The following SLC31A1 variants were observed in gnomAD, a reference collection of about 807,000 sequenced individuals.
SLC31A1 encodes high affinity copper uptake protein 1.
A neutral mutation model predicts 17.2 loss-of-function variants in SLC31A1; 5 were observed. That is an observed-to-expected ratio of 0.29 (90% CI 0.15 to 0.61). SLC31A1 has a LOEUF of 0.61. Among genes scored for constraint, SLC31A1 ranks in the 20% least tolerant of loss-of-function variants. The pLI, the probability that SLC31A1 is intolerant of heterozygous loss-of-function variation, is 0.86. For synonymous variants in SLC31A1, 76 were observed against 78.8 expected (o/e 0.96, Z 0.19); for missense variants, 161 against 241.4 (o/e 0.67, Z 2.21).
At chr9:113,229,766 A>C (rs1424920846) in intron 1 of SLC31A1, among the ~76,000 whole-genome samples, 1 of 152,220 alleles carries the variant, frequency 6.6e-6, no homozygotes, top group Admixed American at 6.5e-5. Flanking sequence ...GAAAAGAAAA[A>C]GTATCATTTT....
chr9:113,246,517 A>G (rs1211157184), intron 1 of SLC31A1, among the ~76,000 whole-genome samples: 1 of 151,044 alleles, frequency 6.6e-6, no homozygotes, highest in Non-Finnish European at 1.5e-5. Flanking sequence ...ACGCCCGGCT[A>G]ATTTTTTGTA....
Position 113,258,812 on chromosome 9 carries a change from T to C in SLC31A1, c.321T>C (p.Pro107=). ...TCAGCATTCGCTACAATTCCATGCCTGTCCCAGGACCAAATGGAACCATCC... is the reference window on the plus strand; with the variant it reads ...TCAGCATTCGCTACAATTCCATGCCCGTCCCAGGACCAAATGGAACCATCC... The part of the protein sequence containing the change: ...SQVSIRYNSM[P]VPGPNGTILM... The change falls in exon 4 of 5, where the codon CCT becomes CCC. Residue 107 remains proline, a synonymous_variant. Coordinates refer to ENST00000374212, the MANE Select transcript of SLC31A1 (RefSeq NM_001859.4). The surrounding 1 kb of genome is among the most constrained non-coding windows in gnomAD (Gnocchi z 4.8). 6.2e-7 allele frequency: 1 copy of C among 1,614,242 alleles called. No homozygotes were observed. Among genetic ancestry groups the C allele is most frequent in the Non-Finnish European group, 8.5e-7 (1 of 1,180,034 alleles).
intron 1 of SLC31A1, among the ~76,000 whole-genome samples, chr9:113,251,917 C>G (rs1831658365): frequency 6.6e-6 from 1 of 152,130 alleles, no homozygotes; most frequent in Admixed American, 6.6e-5. Flanking sequence ...TATTCATACA[C>G]CATTCGGTAA....
intron 1 of SLC31A1, among the ~76,000 whole-genome samples, chr9:113,249,104 C>T (rs1831617106): frequency 6.8e-6 from 1 of 147,838 alleles, no homozygotes; most frequent in South Asian, 2.3e-4. Context: ...GACATACAAT[C>T]AGATCACCTT....
rs541115012 is a variant in SLC31A1 at position 113,221,591 on chromosome 9, A to T, written c.-123A>T. 1.3e-4 allele frequency: 54 copies of T among 419,730 alleles called. 1 individual carries two copies. Among genetic ancestry groups the T allele is most frequent in the South Asian group, 1.1e-3 (54 of 48,206 alleles). 26.0% of individuals were successfully genotyped at this position (419,730 alleles called of 1,614,324 possible). On this transcript the variant is annotated 5_prime_UTR_variant, in exon 1 of 5. The change creates a new upstream start codon in the 5' untranslated region. Transcript: ENST00000374212. ...TGGTGGACACGTCGAGCCGGGTAGAAGTGGAGGGGCCGTTCGAAGAGTCGT... is the reference window on the plus strand; with the variant it reads ...TGGTGGACACGTCGAGCCGGGTAGATGTGGAGGGGCCGTTCGAAGAGTCGT...
intron 1 of SLC31A1, among the ~76,000 whole-genome samples, chr9:113,238,052 T>C (rs1394079430): frequency 1.3e-5 from 2 of 152,200 alleles, no homozygotes; most frequent in Non-Finnish European, 2.9e-5. Context: ...CCCCTCTTTT[T>C]CCCCATTCAT....
At chr9:113,259,885 C>G (rs1477551550) in intron 4 of SLC31A1, among the ~76,000 whole-genome samples, 17 of 152,178 alleles carry the variant, frequency 1.1e-4, no homozygotes, top group Non-Finnish European at 2.5e-4. Context: ...CACCCCCAGC[C>G]TCTGTTTCTG....
At chr9:113,250,697 A>G (rs1238503018) in intron 1 of SLC31A1, among the ~76,000 whole-genome samples, 1 of 151,910 alleles carries the variant, frequency 6.6e-6, no homozygotes, top group Non-Finnish European at 1.5e-5. Context: ...ACTTCAAAAA[A>G]AAAAAAGGAA....
rs1831753437 is a variant in SLC31A1, at chr9:113,258,546, C to G, written c.203-148C>G. ...CAGTTACACCATCTTAGCCGTTCTC[C>G]TATCTGAGCAAGAGAAGAGGTAAAA... On this transcript the variant is annotated intron_variant, in intron 3 of 4. Coordinates refer to ENST00000374212, the MANE Select transcript of SLC31A1 (RefSeq NM_001859.4). The surrounding 1 kb of genome is among the most constrained non-coding windows in gnomAD (Gnocchi z 4.8). 1 of 803,716 alleles carries G rather than the reference C, an allele frequency of 1.2e-6. No homozygotes were observed. 49.8% of individuals were successfully genotyped at this position (803,716 alleles called of 1,614,324 possible). A position where few individuals can be genotyped will look rare whatever the true frequency, so the allele number is the denominator to read the frequency against.
chr9:113,253,694 C>T (rs1724547082), intron 1 of SLC31A1, among the ~76,000 whole-genome samples: 1 of 151,576 alleles, frequency 6.6e-6, no homozygotes, highest in Non-Finnish European at 1.5e-5. Flanking sequence ...GCTGGGATTA[C>T]AGGCGCGTGC....
chr9:113,246,351 AT>A (rs35589001), intron 1 of SLC31A1, among the ~76,000 whole-genome samples: 48,842 of 146,704 alleles, frequency 0.33, 8,027 homozygotes, highest in African/African-American at 0.36. Context: ...GGCCATTAAG[AT>A]TTTTTTTTTC....
At chr9:113,244,313 G>A (rs1424737050) in intron 1 of SLC31A1, among the ~76,000 whole-genome samples, 3 of 152,110 alleles carry the variant, frequency 2.0e-5, no homozygotes, top group African/African-American at 4.8e-5. Context: ...GTAATTATTT[G>A]AAGTAGTTTT....
intron 3 of SLC31A1, among the ~76,000 whole-genome samples, chr9:113,257,478 ATTTTTTTTTT>A (rs532189321): frequency 9.9e-6 from 1 of 101,184 alleles, no homozygotes; most frequent in Non-Finnish European, 1.9e-5. Flanking sequence ...AGAGTGTTTA[ATTTTTTTTTT>A]TTTTTTTTTT....
At chr9:113,246,675 T>G (rs1831583079) in intron 1 of SLC31A1, among the ~76,000 whole-genome samples, 1 of 148,914 alleles carries the variant, frequency 6.7e-6, no homozygotes, top group South Asian at 2.1e-4. Flanking sequence ...TTATTTTATT[T>G]TATTTATTGA....
intron 1 of SLC31A1, among the ~76,000 whole-genome samples, chr9:113,237,946 T>C (rs545720995): frequency 1.2e-4 from 19 of 152,360 alleles, no homozygotes; most frequent in African/African-American, 4.3e-4. Context: ...GTAAACAAGA[T>C]ATGAATGCAT....
intron 1 of SLC31A1, among the ~76,000 whole-genome samples, chr9:113,253,591 G>A (rs1278029605): frequency 7.9e-6 from 1 of 126,480 alleles, no homozygotes; most frequent in Non-Finnish European, 1.6e-5. Context: ...GTCTTGCTCT[G>A]CTGACCAGGC....
intron 1 of SLC31A1, among the ~76,000 whole-genome samples, chr9:113,223,658 A>C (rs1433634441): frequency 6.6e-6 from 1 of 152,138 alleles, no homozygotes; most frequent in Non-Finnish European, 1.5e-5. Context: ...AGGAAGCAGC[A>C]ATTTTTTTTC....
At chr9:113,256,397 T>A in intron 2 of SLC31A1, 120 bp downstream of exon 2, 1 of 1,163,910 alleles carries the variant, frequency 8.6e-7, no homozygotes, top group Non-Finnish European at 1.2e-6. Context: ...TGAGGATAAC[T>A]AAAGCAGACC....
chr9:113,262,219 A>T lies in SLC31A1; in HGVS notation c.*1746A>T, dbSNP rs1477583377. On this transcript the variant is annotated 3_prime_UTR_variant, in exon 5 of 5. Transcript: ENST00000374212. ...TCCAACAACTGTGCTTATACCAAGC[A>T]GATCCTCATCCTCCATATAATCATC... The T allele has an allele frequency of 6.5e-6, 1 of 152,696 alleles. No homozygotes were observed. Among genetic ancestry groups the T allele is most frequent in the Non-Finnish European group, 1.5e-5 (1 of 68,048 alleles). The allele number at this position is 152,696 out of a possible 1,614,324, so 9.5% of individuals were successfully genotyped here. A position where few individuals can be genotyped will look rare whatever the true frequency, so the allele number is the denominator to read the frequency against.
Sources: gnomAD v4.1 joint callset for allele counts (sites outside exome capture counted in the v4.1 genomes callset) on GRCh38, gnomAD v4.1.1 for gene constraint, Gnocchi (gnomAD v3.1) non-coding constraint, MANE v1.5 for transcripts, NCBI Gene and HGNC (gene_info 2026-07-23, HGNC 2026-07-21) for gene names.